The following STK10 variants were observed in gnomAD, a reference collection of about 807,000 sequenced individuals.
The protein encoded by STK10 is serine/threonine kinase 10.
In STK10, 78 loss-of-function variants were observed where a neutral mutation model predicts 113.8. The ratio of observed to expected loss-of-function variants is 0.69; its 90% CI spans 0.57 to 0.83. STK10 has a LOEUF of 0.83. STK10 is among the 40% of genes least tolerant of loss of function. The pLI, the probability that STK10 is intolerant of heterozygous loss-of-function variation, is 0.00. For synonymous variants in STK10, 465 were observed against 494.7 expected (o/e 0.94, Z 0.80); for missense variants, 1,109 against 1,280.1 (o/e 0.87, Z 2.04).
At chr5:172,087,653 G>T (rs986138724) in intron 10 of STK10, among the ~76,000 whole-genome samples, 3 of 93,730 alleles carry the variant, frequency 3.2e-5, no homozygotes, top group African/African-American at 1.6e-4. Flanking sequence ...ACGGAGTCTC[G>T]CTCTGTCGCC....
chr5:172,075,580 G>A (rs1350716159), intron 12 of STK10, among the ~76,000 whole-genome samples: 2 of 152,218 alleles, frequency 1.3e-5, no homozygotes, highest in East Asian at 1.9e-4. Flanking sequence ...GGGAGGCTGA[G>A]GCAGGAGAAT....
In STK10 at chr5:172,093,550, T is replaced by A; in HGVS notation, c.1416A>T (p.Pro472=). ...AAGGCCCTGGAGCTGCCTGGGCAGG[T>A]GGCTCCAGGCTGCCATTGGCCAGCT... ...GEKLANGSLE[P]PAQAAPGPSK... Residue 472 remains proline, a synonymous_variant, in exon 9 of 19, where the codon CCA becomes CCT. Coordinates refer to ENST00000176763, the MANE Select transcript of STK10 (RefSeq NM_005990.4). The surrounding 1 kb of genome is among the most constrained non-coding windows in gnomAD (Gnocchi z 4.1). The A allele has an allele frequency of 1.9e-6, 3 of 1,614,152 alleles. No individual in the cohort carries two copies. The highest frequency in any genetic ancestry group is 8.5e-7 in the Non-Finnish European group (1 of 1,180,006).
At chr5:172,077,909 C>T (rs1174567459) in intron 12 of STK10, among the ~76,000 whole-genome samples, 2 of 152,128 alleles carry the variant, frequency 1.3e-5, no homozygotes, top group Non-Finnish European at 2.9e-5. Context: ...TCTCCCTCTC[C>T]AGCATCCACG....
chr5:172,186,976 A>G (rs1464621578), intron 1 of STK10, among the ~76,000 whole-genome samples: 1 of 152,054 alleles, frequency 6.6e-6, no homozygotes, highest in Non-Finnish European at 1.5e-5. Context: ...CTTAGAAGAG[A>G]GGTGCTCTCC....
At chr5:172,186,698 A>C (rs1301822070) in intron 1 of STK10, among the ~76,000 whole-genome samples, 2 of 152,210 alleles carry the variant, frequency 1.3e-5, no homozygotes, top group Admixed American at 1.3e-4. Flanking sequence ...CTATTTGCTT[A>C]GGAATCACCT....
Position 172,071,297 on chromosome 5 carries a change from A to AAG in STK10, c.1990-6486_1990-6485insCT, listed in dbSNP as rs1554116679. Among the ~76,000 whole-genome samples the AAG allele has an allele frequency of 1.2e-4, 16 of 128,176 alleles. 1 individual carries two copies. The South Asian group carries it at 1.3e-3, about 11-fold the overall frequency. The allele number at this position is 128,176 out of a possible 152,430, so 84.1% of individuals were successfully genotyped here. The stretch of plus-strand genomic sequence containing the variant: ...ACAATGAAAAGTTTAAAAAAAAAAA[A>AAG]AAGAAGAAGAAATAGATAACTAAAA... On this transcript the variant is annotated intron_variant, in intron 12 of 18. Coordinates refer to ENST00000176763, the MANE Select transcript of STK10 (RefSeq NM_005990.4).
chr5:172,085,486 C>G (rs955229166), intron 10 of STK10, among the ~76,000 whole-genome samples: 8 of 151,834 alleles, frequency 5.3e-5, no homozygotes, highest in African/African-American at 1.9e-4. Flanking sequence ...GTCAGGAGTT[C>G]AAAACCAGCC....
At chr5:172,185,806 G>A (rs1770946487) in intron 1 of STK10, among the ~76,000 whole-genome samples, 1 of 152,240 alleles carries the variant, frequency 6.6e-6, no homozygotes, top group African/African-American at 2.4e-5. Flanking sequence ...GGAGAGTAAA[G>A]AAAAGACGTG....
chr5:172,129,962 G>A (rs149813263), intron 2 of STK10, among the ~76,000 whole-genome samples: 29 of 152,266 alleles, frequency 1.9e-4, no homozygotes, highest in African/African-American at 7.0e-4. Context: ...GAGTTCATGG[G>A]TCTGTTTTTC....
intron 3 of STK10, among the ~76,000 whole-genome samples, chr5:172,121,278 G>A (rs528366364): frequency 3.9e-5 from 6 of 151,930 alleles, no homozygotes; most frequent in African/African-American, 9.6e-5. Context: ...TGATCCACCC[G>A]CCTCGGCCTC....
chr5:172,068,809 C>A (rs1251870450), intron 12 of STK10, among the ~76,000 whole-genome samples: 1 of 151,456 alleles, frequency 6.6e-6, no homozygotes, highest in African/African-American at 2.4e-5. Flanking sequence ...TGCTTGAACC[C>A]AGGAGGCAGA....
chr5:172,172,058 C>G (rs1021267731), intron 1 of STK10, among the ~76,000 whole-genome samples: 20 of 152,122 alleles, frequency 1.3e-4, no homozygotes, highest in Non-Finnish European at 2.6e-4. Flanking sequence ...GGCATGGTGG[C>G]ACGCACCTAT....
intron 1 of STK10, among the ~76,000 whole-genome samples, chr5:172,179,412 C>T (rs1770811439): frequency 1.3e-5 from 2 of 152,212 alleles, no homozygotes; most frequent in African/African-American, 4.8e-5. Context: ...GTTCTGGGGG[C>T]TATGGGGTGA....
chr5:172,104,201 G>C (rs554675603), intron 7 of STK10, among the ~76,000 whole-genome samples: 1 of 152,336 alleles, frequency 6.6e-6, no homozygotes, highest in African/African-American at 2.4e-5. Context: ...GACCGGAGCC[G>C]ACACGGCAGT....
At chr5:172,127,207 T>G (rs1769639942) in intron 3 of STK10, among the ~76,000 whole-genome samples, 166 bp downstream of exon 3, 1 of 152,050 alleles carries the variant, frequency 6.6e-6, no homozygotes, top group Non-Finnish European at 1.5e-5. Context: ...ACCCACACCC[T>G]GCTCCCAAAA....
Position 172,133,313 on chromosome 5 carries a change from G to A in STK10, c.322-5892C>T, listed in dbSNP as rs1173446412. Among the ~76,000 whole-genome samples, 2 of 152,160 alleles carry A rather than the reference G, an allele frequency of 1.3e-5. No individual in the cohort carries two copies. Among genetic ancestry groups the A allele is most frequent in the African/African-American group, 4.8e-5 (2 of 41,438 alleles). On this transcript the variant is annotated intron_variant, in intron 2 of 18. Transcript: ENST00000176763. The surrounding 1 kb of genome is among the most constrained non-coding windows in gnomAD (Gnocchi z 4.9). ...GATGCATTATTAAGGAAAAAACAGT[G>A]GGTTGGGGACAAACAGCGAAGAGGC...
intron 2 of STK10, among the ~76,000 whole-genome samples, chr5:172,141,514 G>A (rs371619331): frequency 2.0e-3 from 299 of 151,458 alleles, no homozygotes; most frequent in South Asian, 6.7e-3. Context: ...CCAGGAATCA[G>A]AGGTTGCAGT....
intron 2 of STK10, among the ~76,000 whole-genome samples, chr5:172,150,196 C>T (rs1242905993): frequency 1.3e-5 from 2 of 151,004 alleles, no homozygotes; most frequent in South Asian, 2.1e-4. Flanking sequence ...CTCAGGTCTC[C>T]TAGGCTGGGC....
intron 13 of STK10, among the ~76,000 whole-genome samples, chr5:172,063,127 G>A (rs1419502006): frequency 6.6e-6 from 1 of 152,076 alleles, no homozygotes; most frequent in African/African-American, 2.4e-5. Flanking sequence ...GCAGGCACCT[G>A]TAGTCCCAGC....
Sources: gnomAD v4.1 joint callset for allele counts (sites outside exome capture counted in the v4.1 genomes callset) on GRCh38, gnomAD v4.1.1 for gene constraint, Gnocchi (gnomAD v3.1) non-coding constraint, MANE v1.5 for transcripts, NCBI Gene and HGNC (gene_info 2026-07-23, HGNC 2026-07-21) for gene names.